The following STS variants were observed in gnomAD, a reference collection of about 807,000 sequenced individuals.
STS encodes the protein steryl-sulfatase.
STS carries 7 observed loss-of-function variants against 26.8 expected under a neutral mutation model. That is an observed-to-expected ratio of 0.26 (90% CI 0.15 to 0.49). The LOEUF is 0.49. Ranked by LOEUF, STS falls within the 20% of genes least tolerant of loss-of-function variation. The pLI, the probability that STS is intolerant of heterozygous loss-of-function variation, is 0.98. For synonymous variants in STS, 199 were observed against 189.4 expected, an observed-to-expected ratio of 1.05 and a Z score of -0.42; for missense variants, 434 against 465.6, an observed-to-expected ratio of 0.93 and a Z score of 0.63.
intron 8 of STS, among the ~76,000 whole-genome samples, chrX:7,324,931 C>G (rs149612988): frequency 0.011 from 1,277 of 111,435 alleles, 16 homozygotes; most frequent in African/African-American, 0.038. Flanking sequence ...ACCCATTTCC[C>G]CAGGCTCCAG....
chrX:7,349,312 ATTCCTT>A (rs1928668225), intron 10 of STS, among the ~76,000 whole-genome samples: 1 of 38,054 alleles, frequency 2.6e-5, no homozygotes, highest in Admixed American at 4.3e-4. Flanking sequence ...CCCTCATTTA[ATTCCTT>A]TTTTTTTTTT....
At chrX:7,313,844 TAA>T (rs1270625709) in intron 8 of STS, among the ~76,000 whole-genome samples, 21 of 112,008 alleles carry the variant, frequency 1.9e-4, no homozygotes, top group Non-Finnish European at 3.2e-4. Flanking sequence ...GATAGATATA[TAA>T]GAGACCACTT....
intron 8 of STS, among the ~76,000 whole-genome samples, chrX:7,305,522 T>C (rs1408627513): frequency 2.7e-5 from 3 of 112,343 alleles, no homozygotes; most frequent in Non-Finnish European, 5.6e-5. Context: ...ACTTATGGGC[T>C]TAAAACAAAT....
At chrX:7,152,648 C>T (rs1381845193) in intron 1 of STS, among the ~76,000 whole-genome samples, 3 of 112,886 alleles carry the variant, frequency 2.7e-5, no homozygotes, top group Non-Finnish European at 3.7e-5. Context: ...TGAACACTGG[C>T]GAATGTTCTT....
intron 2 of STS, among the ~76,000 whole-genome samples, chrX:7,251,261 G>A (rs1234945112): frequency 8.9e-6 from 1 of 111,786 alleles, no homozygotes. Flanking sequence ...CCAGCAAACA[G>A]AGACTCTGCA....
At chrX:7,207,783 A>G (rs1316180326) in intron 2 of STS, among the ~76,000 whole-genome samples, 1 of 112,501 alleles carries the variant, frequency 8.9e-6, no homozygotes, top group Non-Finnish European at 1.9e-5. Context: ...CAGGAACTTC[A>G]CAAGTAACTG....
intron 2 of STS, among the ~76,000 whole-genome samples, chrX:7,204,485 C>G (rs1934148182): frequency 1.9e-5 from 2 of 104,443 alleles, no homozygotes; most frequent in East Asian, 3.1e-4. Flanking sequence ...TCCTTCCTCC[C>G]TCCCTTCCTT....
intron 10 of STS, among the ~76,000 whole-genome samples, chrX:7,335,262 A>G (rs1476707632): frequency 2.7e-5 from 3 of 112,299 alleles, no homozygotes; most frequent in Non-Finnish European, 1.9e-5. Flanking sequence ...CATCCTCTCC[A>G]GCACCTGTTG....
chrX:7,229,499 C>T (rs761585113), intron 2 of STS, among the ~76,000 whole-genome samples: 25 of 111,409 alleles, frequency 2.2e-4, no homozygotes, highest in African/African-American at 8.2e-4. Flanking sequence ...GGAACAGGGA[C>T]AGGTGTGTGG....
chrX:7,302,625 C>G (rs1926019765), intron 7 of STS, among the ~76,000 whole-genome samples: 1 of 111,923 alleles, frequency 8.9e-6, no homozygotes, highest in African/African-American at 3.2e-5. Context: ...GTGGCACTTG[C>G]AATCAAATAG....
At chrX:7,320,095 AT>A (rs769339691) in intron 8 of STS, among the ~76,000 whole-genome samples, 1,528 of 93,445 alleles carry the variant, frequency 0.016, 32 homozygotes, top group African/African-American at 0.054. Flanking sequence ...AGTTATATAT[AT>A]TTTTTGTATT....
At chrX:7,295,935 A>G (rs1417723211) in intron 7 of STS, among the ~76,000 whole-genome samples, 6 of 111,995 alleles carry the variant, frequency 5.4e-5, no homozygotes, top group South Asian at 3.8e-4. Context: ...ATCATTTTCA[A>G]TTTTGTATCT....
intron 2 of STS, among the ~76,000 whole-genome samples, chrX:7,204,715 A>T (rs802885): frequency 2.2e-5 from 2 of 91,203 alleles, no homozygotes; most frequent in African/African-American, 4.0e-5. Context: ...TCATTCCTTC[A>T]TTTTTCCTTC....
intron 2 of STS, among the ~76,000 whole-genome samples, chrX:7,225,502 A>G (rs1349234255): frequency 2.7e-5 from 3 of 111,969 alleles, no homozygotes; most frequent in African/African-American, 9.7e-5. Flanking sequence ...AGCTGTCAAC[A>G]CATATGAAGT....
chrX:7,198,184 G>A (rs753324673), intron 2 of STS, among the ~76,000 whole-genome samples: 1 of 111,105 alleles, frequency 9.0e-6, no homozygotes, highest in African/African-American at 3.3e-5. Flanking sequence ...CCCAAATCAC[G>A]CTCTCTGTGC....
At chrX:7,268,216 T>A (rs1260304117) in intron 6 of STS, among the ~76,000 whole-genome samples, 1 of 112,436 alleles carries the variant, frequency 8.9e-6, no homozygotes, top group Non-Finnish European at 1.9e-5. Flanking sequence ...TAAATACTCC[T>A]TTCTACAAGC....
chrX:7,320,072 ATATT>A (rs1160936027), intron 8 of STS, among the ~76,000 whole-genome samples: 1 of 93,229 alleles, frequency 1.1e-5, no homozygotes, highest in Non-Finnish European at 2.1e-5. Flanking sequence ...TATTTTATAT[ATATT>A]TTATATATAG....
At chrX:7,216,500 CA>C (rs1329405829) in intron 2 of STS, among the ~76,000 whole-genome samples, 1 of 111,869 alleles carries the variant, frequency 8.9e-6, no homozygotes, top group Non-Finnish European at 1.9e-5. Flanking sequence ...AGGCTAGGGG[CA>C]AAAATGGTTT....
chrX:7,183,105 T>G (rs1250223798), intron 1 of STS, among the ~76,000 whole-genome samples: 7 of 111,762 alleles, frequency 6.3e-5, no homozygotes, highest in Non-Finnish European at 1.3e-4. Flanking sequence ...GTGCCAGCAG[T>G]CAAATAAATG....
Sources: gnomAD v4.1 joint callset for allele counts (sites outside exome capture counted in the v4.1 genomes callset) on GRCh38, gnomAD v4.1.1 for gene constraint, MANE v1.5 for transcripts, NCBI Gene and HGNC (gene_info 2026-07-23, HGNC 2026-07-21) for gene names.